Variants in ERV3-1 observed in about 807,000 individuals in gnomAD.
The protein encoded by ERV3-1 is endogenous retrovirus group 3 member 1 Env polyprotein.
Under a neutral mutation model 24.6 loss-of-function variants are expected in ERV3-1, and 36 were observed. That is an observed-to-expected ratio of 1.47 (90% CI 1.12 to 1.94). ERV3-1 has a LOEUF of 1.94. ERV3-1 is among the 30% of genes most tolerant of loss of function. The pLI, the probability that ERV3-1 is intolerant of heterozygous loss-of-function variation, is 0.00. For synonymous variants in ERV3-1, 211 were observed against 122.6 expected (o/e 1.72, Z -4.76); for missense variants, 578 against 330.9 (o/e 1.75, Z -5.79).
At position 64,991,863 on chromosome 7, in the gene ERV3-1, G is replaced by T. The variant is rs1786275176; in HGVS notation, c.1164C>A (p.His388Gln). 1 of 766,334 alleles carries T rather than the reference G, an allele frequency of 1.3e-6. No individual in the cohort carries two copies. The highest frequency in any genetic ancestry group is 1.7e-5 in the African/African-American group (1 of 59,246). 47.5% of individuals were successfully genotyped at this position (766,334 alleles called of 1,614,324 possible). A position where few individuals can be genotyped will look rare whatever the true frequency, so the allele number is the denominator to read the frequency against. Residue 388 changes from histidine (H) to glutamine (Q), a missense_variant, in exon 2 of 2, where the codon CAC becomes CAA. Physicochemically the swap from His to Gln is conservative, Grantham distance 24. Transcript: ENST00000394323. ...RGKSNNSESP[H>Q]PSPFSRFPSL... Reference sequence around the variant, plus strand: ...ATGGGAAACGAGAGAATGGGCTTGGGTGTGGTGATTCAGAATTATTGCTTT... The same window carrying T: ...ATGGGAAACGAGAGAATGGGCTTGGTTGTGGTGATTCAGAATTATTGCTTT...
rs367831613 is a variant in ERV3-1 at position 64,993,811 on chromosome 7, G to A, written c.-388-397C>T. On this transcript the variant is annotated intron_variant, in intron 1 of 1. Coordinates refer to ENST00000394323, the MANE Select transcript of ERV3-1 (RefSeq NM_001007253.4). Reference sequence around the variant, plus strand: ...TCTTGGCAATATTTCTTCAGTAGCTGTTTGAGTGTCCAGTTCATGCACTCT... The same window carrying A: ...TCTTGGCAATATTTCTTCAGTAGCTATTTGAGTGTCCAGTTCATGCACTCT... 6.6e-5 allele frequency among the ~76,000 whole-genome samples: 10 copies of A among 152,282 alleles called. No homozygotes were observed. In the East Asian group the frequency reaches 9.7e-4, roughly 15 times the overall value.
chr7:64,991,097 G>T lies in ERV3-1; in HGVS notation c.*115C>A, dbSNP rs1390947043. The stretch of plus-strand genomic sequence containing the variant: ...GCTGTTTGGATATTTTTGACAATGA[G>T]GGGTAAGAGACAAGGGAGTATAAGG... On this transcript the variant is annotated 3_prime_UTR_variant, in exon 2 of 2. Coordinates refer to ENST00000394323, the MANE Select transcript of ERV3-1 (RefSeq NM_001007253.4). 2 of 594,664 alleles carry T rather than the reference G, an allele frequency of 3.4e-6. No individual in the cohort carries two copies. The highest frequency in any genetic ancestry group is 6.0e-6 in the Non-Finnish European group (2 of 333,996). 36.8% of individuals were successfully genotyped at this position (594,664 alleles called of 1,614,324 possible).
At chr7:64,994,255 A>G (rs1300214335) in intron 1 of ERV3-1, among the ~76,000 whole-genome samples, 2 of 152,200 alleles carry the variant, frequency 1.3e-5, no homozygotes, top group Non-Finnish European at 2.9e-5. Flanking sequence ...GTCGCGGCAC[A>G]TAGAAATGGC....
Position 64,992,812 on chromosome 7 carries a change from T to TCA in ERV3-1, c.213_214dup (p.Asp72ValfsTer34). 1 of 766,376 alleles carries TCA rather than the reference T, an allele frequency of 1.3e-6. No homozygotes were observed. The highest frequency in any genetic ancestry group is 2.4e-6 in the Non-Finnish European group (1 of 417,900). The allele number at this position is 766,376 out of a possible 1,614,324, so 47.5% of individuals were successfully genotyped here. The stretch of plus-strand genomic sequence containing the variant: ...CACATAAGGCTGGCCCCTTCCTGGG[T>TCA]CACAGACTGAGTAGGTTGTCTGGTT... On this transcript the variant is annotated frameshift_variant, in exon 2 of 2. Coordinates refer to ENST00000394323, the MANE Select transcript of ERV3-1 (RefSeq NM_001007253.4). LOFTEE classifies it high-confidence loss of function.
intron 1 of ERV3-1, among the ~76,000 whole-genome samples, chr7:64,999,491 G>T (rs117992925): frequency 6.6e-6 from 1 of 152,172 alleles, no homozygotes; most frequent in Non-Finnish European, 1.5e-5. Flanking sequence ...CAACAGGGGC[G>T]GGTCAGGTTT....
rs1786326533 is a variant in ERV3-1 at position 64,993,251 on chromosome 7, C to T, written c.-225G>A. The T allele has an allele frequency of 3.8e-6, 2 of 529,868 alleles. No homozygotes were observed. The highest frequency in any genetic ancestry group is 2.5e-5 in the South Asian group (1 of 40,144). The allele number at this position is 529,868 out of a possible 1,614,324, so 32.8% of individuals were successfully genotyped here. A position where few individuals can be genotyped will look rare whatever the true frequency, so the allele number is the denominator to read the frequency against. On this transcript the variant is annotated 5_prime_UTR_variant, in exon 2 of 2. Transcript: ENST00000394323. Reference sequence around the variant, plus strand: ...CTTCAGCCGTGTGTGGACTGGTCAGCTTCCGGAGTGACCAGAGCAGGGCTG... The same window carrying T: ...CTTCAGCCGTGTGTGGACTGGTCAGTTTCCGGAGTGACCAGAGCAGGGCTG...
intron 1 of ERV3-1, chr7:65,004,610 C>T (rs896812619): frequency 2.0e-5 from 3 of 152,176 alleles, no homozygotes; most frequent in Admixed American, 6.5e-5. Context: ...AGTTAAAAAA[C>T]TGTAGTCAAA....
chr7:65,005,757 G>T (rs746738868), intron 1 of ERV3-1, among the ~76,000 whole-genome samples: 5 of 152,182 alleles, frequency 3.3e-5, no homozygotes, highest in Non-Finnish European at 5.9e-5. Flanking sequence ...TGTGGAGTGT[G>T]AAAATAATTA....
chr7:64,997,225 G>C (rs1014270349), intron 1 of ERV3-1, among the ~76,000 whole-genome samples: 5 of 152,126 alleles, frequency 3.3e-5, no homozygotes, highest in Admixed American at 3.3e-4. Flanking sequence ...TCTTAAGTCT[G>C]ATCAGCCTCT....
rs1338203074 is a variant in ERV3-1 at position 64,991,257 on chromosome 7, T to C, written c.1770A>G (p.Lys590=). 9.4e-6 allele frequency: 7 copies of C among 747,904 alleles called. No individual in the cohort carries two copies. The highest frequency in any genetic ancestry group is 1.7e-5 in the Non-Finnish European group (7 of 408,292). 46.3% of individuals were successfully genotyped at this position (747,904 alleles called of 1,614,324 possible). A position where few individuals can be genotyped will look rare whatever the true frequency, so the allele number is the denominator to read the frequency against. The change falls in exon 2 of 2, where the codon AAA becomes AAG. Residue 590 remains lysine (K), a synonymous_variant. Coordinates refer to ENST00000394323, the MANE Select transcript of ERV3-1 (RefSeq NM_001007253.4). ...EGKVIKEITA[K]IQKLAHIPVQ... ...CTGGGATGTGAGCTAACTTTTGGAT[T>C]TTAGCAGTTATTTCTTTGATGACCT... is the stretch of plus-strand genomic sequence containing the variant.
chr7:64,994,846 G>A (rs1450510547), intron 1 of ERV3-1, among the ~76,000 whole-genome samples: 1 of 152,238 alleles, frequency 6.6e-6, no homozygotes, highest in African/African-American at 2.4e-5. Context: ...CCAGCAGGCT[G>A]AGGCTACGCC....
chr7:65,006,520 T>A (rs2115560549), intron 1 of ERV3-1, 21 bp downstream of exon 1: 5 of 1,572,560 alleles, frequency 3.2e-6, no homozygotes, highest in Middle Eastern at 3.4e-4. Context: ...TCTCTCGGGA[T>A]GTCGGACCCG....
chr7:64,994,896 C>A (rs1786371855), intron 1 of ERV3-1, among the ~76,000 whole-genome samples: 1 of 152,252 alleles, frequency 6.6e-6, no homozygotes, highest in African/African-American at 2.4e-5. Context: ...CTACCCAGCC[C>A]AGCAGACCCC....
rs576350049 is a variant in ERV3-1 at position 64,992,418 on chromosome 7, G to C, written c.609C>G (p.Thr203=). 19 of 766,230 alleles carry C rather than the reference G, an allele frequency of 2.5e-5. No individual in the cohort carries two copies. The South Asian group carries it at 2.5e-4, about 10-fold the overall frequency. The allele number at this position is 766,230 out of a possible 1,614,324, so 47.5% of individuals were successfully genotyped here. A position where few individuals can be genotyped will look rare whatever the true frequency, so the allele number is the denominator to read the frequency against. Residue 203 remains threonine, a synonymous_variant, in exon 2 of 2, where the codon ACC becomes ACG. Transcript: ENST00000394323. The part of the protein sequence containing the change: ...KTSTCNSVNL[T]ILEPDQPIWT... ...ATATGGGCTGATCTGGCTCTAAGAT[G>C]GTAAGATTTACAGAATTGCAAGTGC...
intron 1 of ERV3-1, among the ~76,000 whole-genome samples, chr7:65,003,141 G>A (rs1368982146): frequency 1.3e-5 from 2 of 152,142 alleles, no homozygotes; most frequent in Non-Finnish European, 2.9e-5. Flanking sequence ...GAGTGAGCAG[G>A]CTGGGACATC....
Position 65,006,497 on chromosome 7 carries a change from C to T in ERV3-1, c.-389+44G>A. On this transcript the variant is annotated intron_variant, in intron 1 of 1. Transcript: ENST00000394323. ...ACAGCCACTTCCCACCAGTTCCAAC[C>T]AGCCCCGCCCCCTCTCTCGGGATGT... 7 of 1,569,254 alleles carry T rather than the reference C, an allele frequency of 4.5e-6. No homozygotes were observed. The Admixed American group carries it at 5.0e-5, about 11-fold the overall frequency.
intron 1 of ERV3-1, among the ~76,000 whole-genome samples, chr7:64,994,332 G>A (rs572197388): frequency 6.6e-6 from 1 of 152,162 alleles, no homozygotes; most frequent in East Asian, 1.9e-4. Flanking sequence ...CACAAATTTG[G>A]GGGCCACCAT....
At chr7:65,005,816 T>C (rs1157238631) in intron 1 of ERV3-1, among the ~76,000 whole-genome samples, 3 of 152,132 alleles carry the variant, frequency 2.0e-5, no homozygotes, top group Admixed American at 2.0e-4. Flanking sequence ...GGTTGCTACT[T>C]GCAAAAAAAT....
intron 1 of ERV3-1, among the ~76,000 whole-genome samples, chr7:64,994,535 C>T (rs949524811): frequency 6.6e-6 from 1 of 152,118 alleles, no homozygotes; most frequent in Non-Finnish European, 1.5e-5. Context: ...CCCATTTTGC[C>T]TCCCTGTCTG....
Sources: allele counts gnomAD v4.1 joint callset (sites outside exome capture counted in the v4.1 genomes callset), GRCh38; gene constraint gnomAD v4.1.1; transcripts MANE v1.5; gene names NCBI Gene and HGNC (gene_info 2026-07-23, HGNC 2026-07-21).